Variants in CRKL observed in about 807,000 individuals in gnomAD.
CRKL encodes the protein CRK like proto-oncogene, adaptor protein.
Under a neutral mutation model 23.0 loss-of-function variants are expected in CRKL, and 3 were observed. That is an observed-to-expected ratio of 0.13 (90% CI 0.06 to 0.34). CRKL has a LOEUF of 0.34. Among genes scored for constraint, CRKL ranks in the 10% least tolerant of loss-of-function variants. CRKL has a pLI of 1.00. For synonymous variants in CRKL, 188 were observed against 160.7 expected, an observed-to-expected ratio of 1.17 and a Z score of -1.28; for missense variants, 256 against 394.5, an observed-to-expected ratio of 0.65 and a Z score of 2.97.
chr22:20,920,773 C>T (rs1366026342), intron 1 of CRKL, among the ~76,000 whole-genome samples: 1 of 152,166 alleles, frequency 6.6e-6, no homozygotes, highest in Non-Finnish European at 1.5e-5. Context: ...TCTTCACTGA[C>T]TGCCTTAACT....
intron 2 of CRKL, among the ~76,000 whole-genome samples, chr22:20,948,960 C>G (rs1012686831): frequency 6.6e-6 from 1 of 152,200 alleles, no homozygotes; most frequent in African/African-American, 2.4e-5. Context: ...TGACTACCAC[C>G]TGAAGGTCTT....
In CRKL at chr22:20,950,694, G is replaced by T. The variant is rs949866428; in HGVS notation, c.*849G>T. The T allele has an allele frequency of 6.4e-5, 14 of 219,482 alleles. No individual in the cohort carries two copies. The highest frequency in any genetic ancestry group is 1.4e-3 in the Middle Eastern group (1 of 730). 13.6% of individuals were successfully genotyped at this position (219,482 alleles called of 1,614,324 possible). Reference sequence around the variant, plus strand: ...CTCCCAACGTGCTGGGATTACAGCCGTGAGCCGCCGCGCCTGGCCTAGACT... The same window carrying T: ...CTCCCAACGTGCTGGGATTACAGCCTTGAGCCGCCGCGCCTGGCCTAGACT... On this transcript the variant is annotated 3_prime_UTR_variant, in exon 3 of 3. Coordinates refer to ENST00000354336, the MANE Select transcript of CRKL (RefSeq NM_005207.4).
intron 2 of CRKL, among the ~76,000 whole-genome samples, chr22:20,941,538 ATGTGTGTGTG>A (rs1187984983): frequency 0.06 from 3,024 of 50,380 alleles, 621 homozygotes; most frequent in South Asian, 0.12. Flanking sequence ...TATATATTTT[ATGTGTGTGTG>A]TGTGTGTGTG....
rs1320625946 is a variant in CRKL at position 20,934,155 on chromosome 22, T to A, written c.688T>A (p.Leu230Met). 1 of 1,614,180 alleles carries A rather than the reference T, an allele frequency of 6.2e-7. No homozygotes were observed. Among genetic ancestry groups the A allele is most frequent in the Non-Finnish European group, 8.5e-7 (1 of 1,180,028 alleles). Reference sequence around the variant, plus strand: ...TTCTCCTGGGGCAGCAATCACCCCTTTGCCATCCACACAGAATGGACCTGT... The same window carrying A: ...TTCTCCTGGGGCAGCAATCACCCCTATGCCATCCACACAGAATGGACCTGT... ...SGSPGAAITP[L>M]PSTQNGPVFA... The change falls in exon 2 of 3, where the codon TTG (leucine) becomes ATG (methionine). Residue 230 changes from leucine to methionine, a missense_variant. Around this residue, in one of 3 missense-constraint regions of CRKL, gnomAD observed 129 missense variants for 222.1 expected, o/e 0.58. Transcript: ENST00000354336.
intron 1 of CRKL, among the ~76,000 whole-genome samples, chr22:20,927,442 T>A (rs1921261779): frequency 6.7e-6 from 1 of 148,326 alleles, no homozygotes; most frequent in Non-Finnish European, 1.5e-5. Context: ...TCCAATTGCC[T>A]CGGCCCCCTA....
At chr22:20,935,276 C>T (rs1255932032) in intron 2 of CRKL, among the ~76,000 whole-genome samples, 1 of 151,928 alleles carries the variant, frequency 6.6e-6, no homozygotes, top group Non-Finnish European at 1.5e-5. Flanking sequence ...CCATGCCCGT[C>T]GAATTTTTGT....
intron 2 of CRKL, among the ~76,000 whole-genome samples, chr22:20,949,420 TG>T (rs903842752): frequency 2.2e-4 from 33 of 152,302 alleles, no homozygotes; most frequent in Admixed American, 1.1e-3. Context: ...CATTCCAGCC[TG>T]GGCGACAGAC....
chr22:20,927,128 A>AAAAAAAAAGAAAAAAAAAAG (rs1308213608), intron 1 of CRKL, among the ~76,000 whole-genome samples: 1 of 125,766 alleles, frequency 8.0e-6, no homozygotes, highest in Non-Finnish European at 1.6e-5. Flanking sequence ...AAAAAAAAAA[A>AAAAAAAAAGAAAAAAAAAAG]AAAAAAAAGA....
chr22:20,925,832 AAGG>A (rs1855734096), intron 1 of CRKL, among the ~76,000 whole-genome samples: 1 of 152,238 alleles, frequency 6.6e-6, no homozygotes, highest in South Asian at 2.1e-4. Flanking sequence ...AGAAACAAAA[AAGG>A]AGGGAAATAG....
chr22:20,923,616 C>T (rs1287603044), intron 1 of CRKL, among the ~76,000 whole-genome samples: 2 of 137,090 alleles, frequency 1.5e-5, no homozygotes, highest in African/African-American at 2.8e-5. Flanking sequence ...TGCTCTGTTG[C>T]CAGGCTGGAG....
rs2147891318 is a variant in CRKL at position 20,917,969 on chromosome 22, C to T, written c.35C>T (p.Ser12Phe). Residue 12 changes from serine (S) to phenylalanine (F), a missense_variant, in exon 1 of 3, where the codon TCC becomes TTC. Transcript: ENST00000354336. ...SSARFDSSDRSAWYMGPVSRQ... is the reference protein window; with the variant it reads ...SSARFDSSDRFAWYMGPVSRQ... Reference sequence around the variant, plus strand: ...GCCAGGTTCGACTCCTCGGACCGCTCCGCCTGGTATATGGGGCCGGTGTCT... The same window carrying T: ...GCCAGGTTCGACTCCTCGGACCGCTTCGCCTGGTATATGGGGCCGGTGTCT... 8.1e-6 allele frequency: 13 copies of T among 1,614,112 alleles called. No individual in the cohort carries two copies. The highest frequency in any genetic ancestry group is 1.1e-5 in the Non-Finnish European group (13 of 1,180,018).
rs1210014665 is a variant in CRKL at position 20,918,045 on chromosome 22, C to T, written c.111C>T (p.Leu37=). Residue 37 remains leucine, a synonymous_variant, in exon 1 of 3, where the codon CTC becomes CTT. Transcript: ENST00000354336. ...RLQGQRHGMF[L]VRDSSTCPGD... ...AGGGCCAGCGCCACGGTATGTTCCT[C>T]GTCCGCGATTCTTCCACCTGCCCTG... 3 of 1,614,122 alleles carry T rather than the reference C, an allele frequency of 1.9e-6. No homozygotes were observed. The highest frequency in any genetic ancestry group is 2.2e-5 in the East Asian group (1 of 44,898).
At chr22:20,931,328 G>A (rs1430648248) in intron 1 of CRKL, among the ~76,000 whole-genome samples, 1 of 152,168 alleles carries the variant, frequency 6.6e-6, no homozygotes, top group East Asian at 1.9e-4. Context: ...GATCACTTGA[G>A]CTTGGGAAGT....
At chr22:20,925,891 C>T (rs1706629334) in intron 1 of CRKL, among the ~76,000 whole-genome samples, 1 of 152,192 alleles carries the variant, frequency 6.6e-6, no homozygotes, top group Non-Finnish European at 1.5e-5. Context: ...TATACCAAAG[C>T]TCACTGCTAG....
chr22:20,922,153 C>T, intron 1 of CRKL, among the ~76,000 whole-genome samples: 1 of 151,532 alleles, frequency 6.6e-6, no homozygotes. Flanking sequence ...GCTGGGACTG[C>T]ATGGGACTAC....
At chr22:20,924,874 AATGGAATCTTGTCCAATTAAG>A (rs1308934499) in intron 1 of CRKL, among the ~76,000 whole-genome samples, 3 of 151,196 alleles carry the variant, frequency 2.0e-5, no homozygotes. Flanking sequence ...TCATGCTGAG[AATGGAATCTTGTCCAATTAAG>A]AGTTGTGTTC....
Position 20,950,483 on chromosome 22 carries a change from G to A in CRKL, c.*638G>A, listed in dbSNP as rs193003105. 3.5e-5 allele frequency: 8 copies of A among 230,764 alleles called. No homozygotes were observed. In the East Asian group the frequency reaches 3.7e-4, roughly 11 times the overall value. The allele number at this position is 230,764 out of a possible 1,614,324, so 14.3% of individuals were successfully genotyped here. On this transcript the variant is annotated 3_prime_UTR_variant, in exon 3 of 3. Transcript: ENST00000354336. Reference sequence around the variant, plus strand: ...GGCTGGAGTGCAGTGGCGCAATCTCGCCTTCCTGCAGTCTCCGCCTCCTGA... The same window carrying A: ...GGCTGGAGTGCAGTGGCGCAATCTCACCTTCCTGCAGTCTCCGCCTCCTGA...
intron 2 of CRKL, among the ~76,000 whole-genome samples, chr22:20,934,962 C>T (rs1227303717): frequency 6.6e-6 from 1 of 150,686 alleles, no homozygotes; most frequent in East Asian, 2.0e-4. Flanking sequence ...GACAGGCACC[C>T]GCCACCACGC....
intron 1 of CRKL, among the ~76,000 whole-genome samples, chr22:20,927,111 CAAAAAAAAAAA>C (rs371278201): frequency 0.21 from 10,324 of 48,612 alleles, 794 homozygotes; most frequent in African/African-American, 0.33. Context: ...GACTCCGTCT[CAAAAAAAAAAA>C]AAAAAAAAAA....
Sources: allele counts gnomAD v4.1 joint callset (sites outside exome capture counted in the v4.1 genomes callset), GRCh38; gene constraint gnomAD v4.1.1; regional missense constraint gnomAD v4.1.1; transcripts MANE v1.5; gene names NCBI Gene and HGNC (gene_info 2026-07-23, HGNC 2026-07-21).